INVS: variants seen among roughly 807,000 people sequenced by gnomAD.
INVS encodes inversin, also known as inversion of embryo turning homolog.
INVS carries 86 observed loss-of-function variants against 108.8 expected under a neutral mutation model. That is an observed-to-expected ratio of 0.79 (90% CI 0.66 to 0.95). INVS has a LOEUF of 0.95. Among genes scored for constraint, INVS ranks in the 40% least tolerant of loss-of-function variants. The pLI, the probability that INVS is intolerant of heterozygous loss-of-function variation, is 0.00. For missense variants in INVS, 1,169 were observed against 1,297.4 expected (o/e 0.90, Z 1.52); for synonymous variants, 455 against 473.5 (o/e 0.96, Z 0.51).
At chr9:100,201,026 C>T (rs1396565522) in intron 3 of INVS, among the ~76,000 whole-genome samples, 1 of 152,242 alleles carries the variant, frequency 6.6e-6, no homozygotes, top group Non-Finnish European at 1.5e-5. Flanking sequence ...AGTCAAGCTA[C>T]TGCAGCTGCT....
chr9:100,213,271 T>G (rs938317629), intron 3 of INVS, among the ~76,000 whole-genome samples: 1 of 152,150 alleles, frequency 6.6e-6, no homozygotes, highest in Admixed American at 6.5e-5. Context: ...TGATCAACTT[T>G]AGGCTCCTTA....
chr9:100,101,784 C>T (rs1249509417), intron 1 of INVS: 1 of 152,148 alleles, frequency 6.6e-6, no homozygotes, highest in African/African-American at 2.4e-5. Flanking sequence ...CTCATGGCAG[C>T]AATTAACTGG....
intron 9 of INVS, 77 bp from the exon 10 acceptor site, chr9:100,252,830 A>C (rs576129243): frequency 1.1e-5 from 11 of 978,518 alleles, no homozygotes; most frequent in Non-Finnish European, 1.6e-6. Context: ...TTAAGGAACA[A>C]TTGTTTTTTC....
chr9:100,271,599 A>G (rs535111583), intron 11 of INVS, among the ~76,000 whole-genome samples: 56 of 152,358 alleles, frequency 3.7e-4, no homozygotes, highest in Non-Finnish European at 7.5e-4. Context: ...AAAGTAGTAT[A>G]TGAAAGAGCC....
intron 10 of INVS, among the ~76,000 whole-genome samples, chr9:100,256,388 T>C (rs150762697): frequency 1.3e-3 from 202 of 152,346 alleles, no homozygotes; most frequent in Middle Eastern, 3.4e-3. Flanking sequence ...ATTGATTTTT[T>C]GAAGGGTTTT....
chr9:100,182,750 ACTAT>A (rs1829931568), intron 3 of INVS, among the ~76,000 whole-genome samples: 1 of 152,034 alleles, frequency 6.6e-6, no homozygotes, highest in Admixed American at 6.6e-5. Context: ...AACCAGAAAT[ACTAT>A]TTAACCCAGT....
chr9:100,127,215 AT>A (rs1017406037), intron 3 of INVS, among the ~76,000 whole-genome samples: 12 of 152,182 alleles, frequency 7.9e-5, no homozygotes, highest in East Asian at 7.7e-4. Flanking sequence ...TAATTAATTA[AT>A]TTAATTTAAT....
intron 3 of INVS, among the ~76,000 whole-genome samples, chr9:100,144,132 G>C (rs546523750): frequency 6.6e-6 from 1 of 152,068 alleles, no homozygotes; most frequent in South Asian, 2.1e-4. Context: ...TCCTTGTCCC[G>C]GTGGCCAGAT....
At chr9:100,191,870 C>A (rs1365814916) in intron 3 of INVS, among the ~76,000 whole-genome samples, 1 of 151,666 alleles carries the variant, frequency 6.6e-6, no homozygotes, top group Non-Finnish European at 1.5e-5. Context: ...TTTTTTATTC[C>A]CCCTTAAGGA....
In INVS at chr9:100,246,746, C is replaced by T. The variant is rs765201028; in HGVS notation, c.1037C>T (p.Ser346Leu). 6 of 1,613,972 alleles carry T rather than the reference C, an allele frequency of 3.7e-6. No individual in the cohort carries two copies. The highest frequency in any genetic ancestry group is 2.2e-5 in the East Asian group (1 of 44,856). ...DVLRTMLSLK[S>L]DIDINMADKY... ...CTTAGAACTATGCTGAGCTTAAAATCGGACATAGATATTAACATGGCTGAC... is the reference window on the plus strand; with the variant it reads ...CTTAGAACTATGCTGAGCTTAAAATTGGACATAGATATTAACATGGCTGAC... Residue 346 changes from serine (S) to leucine (L), a missense_variant, in exon 8 of 17, where the codon TCG becomes TTG. Physicochemically the swap from Ser to Leu is moderately radical, Grantham distance 145. Coordinates refer to ENST00000262457, the MANE Select transcript of INVS (RefSeq NM_014425.5).
chr9:100,158,665 T>C (rs1309710878), intron 3 of INVS, among the ~76,000 whole-genome samples: 1 of 152,212 alleles, frequency 6.6e-6, no homozygotes. Flanking sequence ...CTAAATACTT[T>C]GGGGAATACA....
chr9:100,107,026 C>T (rs966836829), intron 2 of INVS, among the ~76,000 whole-genome samples: 1 of 152,248 alleles, frequency 6.6e-6, no homozygotes, highest in African/African-American at 2.4e-5. Flanking sequence ...CCAGCTGTAC[C>T]CATTGTCCAC....
In INVS at chr9:100,292,544, G is replaced by A. The variant is rs1440087745; in HGVS notation, c.2287G>A (p.Ala763Thr). The A allele has an allele frequency of 3.1e-6, 5 of 1,614,146 alleles. No individual in the cohort carries two copies. In the South Asian group the frequency reaches 5.5e-5, roughly 18 times the overall value. Reference protein sequence around the residue: ...PDEKGEDSRRAAASLPPHDSH... With the variant: ...PDEKGEDSRRTAASLPPHDSH... ...TGAGAAAGGAGAGGACTCCAGGCGGGCAGCTGCAAGCCTTCCACCGCACGA... is the reference window on the plus strand; with the variant it reads ...TGAGAAAGGAGAGGACTCCAGGCGGACAGCTGCAAGCCTTCCACCGCACGA... Residue 763 changes from alanine (A) to threonine (T), a missense_variant, in exon 14 of 17, where the codon GCA becomes ACA. Coordinates refer to ENST00000262457, the MANE Select transcript of INVS (RefSeq NM_014425.5).
At chr9:100,216,049 T>C (rs1242167240) in intron 3 of INVS, among the ~76,000 whole-genome samples, 1 of 152,202 alleles carries the variant, frequency 6.6e-6, no homozygotes, top group African/African-American at 2.4e-5. Context: ...AGCGACTTGA[T>C]TTCAGTCGGT....
At chr9:100,192,942 T>A (rs1830266902) in intron 3 of INVS, among the ~76,000 whole-genome samples, 1 of 151,860 alleles carries the variant, frequency 6.6e-6, no homozygotes, top group Non-Finnish European at 1.5e-5. Context: ...AGTTTTTAAA[T>A]AAGATTTCAG....
At chr9:100,190,648 C>T (rs1012652342) in intron 3 of INVS, among the ~76,000 whole-genome samples, 3 of 152,088 alleles carry the variant, frequency 2.0e-5, no homozygotes, top group African/African-American at 4.8e-5. Context: ...ATACAAAATT[C>T]TTGGCTGACA....
intron 3 of INVS, among the ~76,000 whole-genome samples, chr9:100,158,211 G>T (rs1404760824): frequency 6.6e-6 from 1 of 152,050 alleles, no homozygotes; most frequent in Non-Finnish European, 1.5e-5. Flanking sequence ...ATATATTTTA[G>T]CTGATCAGGG....
intron 3 of INVS, among the ~76,000 whole-genome samples, chr9:100,144,967 A>G (rs1302820515): frequency 6.6e-6 from 1 of 152,170 alleles, no homozygotes; most frequent in Non-Finnish European, 1.5e-5. Flanking sequence ...TGCCTATTTT[A>G]CAACAAGAAT....
chr9:100,152,106 G>T (rs889608685), intron 3 of INVS, among the ~76,000 whole-genome samples: 3 of 152,116 alleles, frequency 2.0e-5, no homozygotes, highest in Admixed American at 6.5e-5. Context: ...TGTTCCTCCA[G>T]TACCTTGTGT....
Sources: allele counts gnomAD v4.1 joint callset (sites outside exome capture counted in the v4.1 genomes callset), GRCh38; gene constraint gnomAD v4.1.1; transcripts MANE v1.5; gene names NCBI Gene and HGNC (gene_info 2026-07-23, HGNC 2026-07-21).